DCLK1: variants seen among roughly 807,000 people sequenced by gnomAD.
DCLK1 encodes the protein doublecortin like kinase 1, also known as serine/threonine-protein kinase DCLK1.
Under a neutral mutation model 86.2 loss-of-function variants are expected in DCLK1, and 16 were observed. The observed-to-expected ratio is 0.19, with a 90% CI of 0.13 to 0.28. The LOEUF (loss-of-function observed/expected upper bound fraction) is 0.28, where lower values mean the gene tolerates loss of function less well. DCLK1 is among the 10% of genes least tolerant of loss of function. The pLI is 1.00. For synonymous variants in DCLK1, 369 were observed against 370.5 expected (o/e 1.00, Z 0.05); for missense variants, 590 against 940.2 (o/e 0.63, Z 4.87).
At chr13:35,939,253 A>G (rs1876950539) in intron 4 of DCLK1, among the ~76,000 whole-genome samples, 1 of 152,104 alleles carries the variant, frequency 6.6e-6, no homozygotes, top group Non-Finnish European at 1.5e-5. Flanking sequence ...AAGCTCCCAA[A>G]CCCTCTATTT....
chr13:35,929,087 G>A (rs1366338332), intron 4 of DCLK1, among the ~76,000 whole-genome samples: 1 of 152,030 alleles, frequency 6.6e-6, no homozygotes, highest in African/African-American at 2.4e-5. Flanking sequence ...CCACCACCAC[G>A]CCTGGCTAAT....
At chr13:36,119,637 A>G (rs1340894259) in intron 2 of DCLK1, among the ~76,000 whole-genome samples, 1 of 152,194 alleles carries the variant, frequency 6.6e-6, no homozygotes, top group East Asian at 1.9e-4. Context: ...TCTGTGCATA[A>G]CATCAATCTA....
At chr13:35,777,965 T>C (rs2086454009) in intron 16 of DCLK1, among the ~76,000 whole-genome samples, 1 of 152,246 alleles carries the variant, frequency 6.6e-6, no homozygotes, top group African/African-American at 2.4e-5. Context: ...TACCACTTTG[T>C]AGACTCTTTG....
chr13:36,004,668 G>A (rs1296795514), intron 3 of DCLK1, among the ~76,000 whole-genome samples: 4 of 151,970 alleles, frequency 2.6e-5, no homozygotes, highest in Non-Finnish European at 2.9e-5. Flanking sequence ...CTCGGCCTCC[G>A]GGGTTCAAGC....
chr13:35,787,143 C>T (rs1467597350), intron 16 of DCLK1, among the ~76,000 whole-genome samples: 1 of 151,074 alleles, frequency 6.6e-6, no homozygotes, highest in East Asian at 1.9e-4. Context: ...TTTATATGTG[C>T]ATATATACAC....
intron 15 of DCLK1, among the ~76,000 whole-genome samples, chr13:35,797,007 G>A (rs1412043112): frequency 1.3e-5 from 2 of 152,154 alleles, no homozygotes; most frequent in Admixed American, 6.5e-5. Flanking sequence ...CTGTCAAGTG[G>A]AGACTGGGTG....
intron 8 of DCLK1, among the ~76,000 whole-genome samples, chr13:35,828,669 T>C (rs1232262753): frequency 7.4e-6 from 1 of 135,206 alleles, no homozygotes; most frequent in Admixed American, 7.2e-5. Flanking sequence ...CTTCCACTCC[T>C]GCTCTCAAAA....
intron 8 of DCLK1, among the ~76,000 whole-genome samples, chr13:35,833,379 T>C (rs762312468): frequency 6.6e-6 from 1 of 152,178 alleles, no homozygotes; most frequent in Non-Finnish European, 1.5e-5. Flanking sequence ...TCATTAGAGC[T>C]TTTCTGCTCT....
chr13:35,982,846 C>T (rs1435259708), intron 3 of DCLK1, among the ~76,000 whole-genome samples: 1 of 152,082 alleles, frequency 6.6e-6, no homozygotes, highest in Non-Finnish European at 1.5e-5. Context: ...ATTGCAACCT[C>T]TACCTCCTGG....
At chr13:36,091,182 T>C (rs1208805153) in intron 3 of DCLK1, among the ~76,000 whole-genome samples, 2 of 152,156 alleles carry the variant, frequency 1.3e-5, no homozygotes, top group Non-Finnish European at 2.9e-5. Context: ...CAGAAGCTCT[T>C]TAGTTTCATT....
chr13:35,920,921 C>T (rs950686256), intron 4 of DCLK1, among the ~76,000 whole-genome samples: 1 of 152,084 alleles, frequency 6.6e-6, no homozygotes, highest in Non-Finnish European at 1.5e-5. Context: ...AGTAAGTCAC[C>T]GTGGCCACTC....
chr13:35,999,490 T>C (rs1336121122), intron 3 of DCLK1, among the ~76,000 whole-genome samples: 1 of 152,084 alleles, frequency 6.6e-6, no homozygotes, highest in Non-Finnish European at 1.5e-5. Context: ...TTTGTCTCTC[T>C]TCCTTCAAGG....
chr13:36,067,280 T>C (rs912927147), intron 3 of DCLK1, among the ~76,000 whole-genome samples: 13 of 146,906 alleles, frequency 8.8e-5, no homozygotes, highest in African/African-American at 2.3e-4. Flanking sequence ...AAATTGGAAA[T>C]CATCATTCTC....
upstream of DCLK1, among the ~76,000 whole-genome samples, chr13:36,131,627 G>T (rs1232461620): frequency 6.6e-6 from 1 of 152,188 alleles, no homozygotes; most frequent in African/African-American, 2.4e-5. Flanking sequence ...GTAGTCTTTG[G>T]GAGATGGGGG....
At chr13:36,049,672 T>C (rs1323185686) in intron 3 of DCLK1, among the ~76,000 whole-genome samples, 1 of 152,202 alleles carries the variant, frequency 6.6e-6, no homozygotes, top group Non-Finnish European at 1.5e-5. Flanking sequence ...GCAATAAATC[T>C]GTTCCACTAT....
chr13:36,097,755 A>C (rs544125911), intron 3 of DCLK1, among the ~76,000 whole-genome samples: 1 of 152,302 alleles, frequency 6.6e-6, no homozygotes, highest in East Asian at 1.9e-4. Flanking sequence ...AAAGACTGAC[A>C]AATCACAGGA....
rs1386011071 is a variant in DCLK1 at position 35,854,010 on chromosome 13, G to A, written c.1035+489C>T. The stretch of plus-strand genomic sequence containing the variant: ...ATTCTCCATAAATGCAAGTAGTGAT[G>A]AAAAGGTGCTCAATGTGGGTTTCAT... On this transcript the variant is annotated intron_variant, in intron 6 of 16. Coordinates refer to ENST00000360631, the MANE Select transcript of DCLK1 (RefSeq NM_001330071.2). Among the ~76,000 whole-genome samples the A allele has an allele frequency of 2.0e-5, 3 of 152,274 alleles. No individual in the cohort carries two copies. In the East Asian group the frequency reaches 5.8e-4, roughly 29 times the overall value.
intron 16 of DCLK1, among the ~76,000 whole-genome samples, chr13:35,779,985 G>GAA (rs35236408): frequency 9.1e-5 from 13 of 142,860 alleles, no homozygotes; most frequent in Non-Finnish European, 1.1e-4. Context: ...CCCCGCCCCT[G>GAA]AAAAAAAAAA....
intron 4 of DCLK1, among the ~76,000 whole-genome samples, chr13:35,938,430 C>T (rs1051543352): frequency 6.6e-6 from 1 of 152,092 alleles, no homozygotes. Flanking sequence ...GAGATGGAGA[C>T]CATCCTGGCT....
Sources: gnomAD v4.1 joint callset for allele counts (sites outside exome capture counted in the v4.1 genomes callset) on GRCh38, gnomAD v4.1.1 for gene constraint, MANE v1.5 for transcripts, NCBI Gene and HGNC (gene_info 2026-07-23, HGNC 2026-07-21) for gene names.